The following RBMXL1 variants were observed in gnomAD, a reference collection of about 807,000 sequenced individuals.
The protein encoded by RBMXL1 is RNA binding motif protein, X-linked-like-1.
A neutral mutation model predicts 29.0 loss-of-function variants in RBMXL1; 18 were observed. The ratio of observed to expected loss-of-function variants is 0.62; its 90% CI spans 0.43 to 0.92. The LOEUF (loss-of-function observed/expected upper bound fraction) is 0.92. RBMXL1 is among the 40% of genes least tolerant of loss of function. RBMXL1 has a pLI of 0.00. For synonymous variants in RBMXL1, 141 were observed against 170.4 expected (o/e 0.83, Z 1.34); for missense variants, 403 against 495.8 (o/e 0.81, Z 1.78).
At position 88,979,724 on chromosome 1, in the gene RBMXL1, T is replaced by C. The variant is rs971004448; in HGVS notation, c.*2930A>G. On this transcript the variant is annotated 3_prime_UTR_variant, in exon 3 of 3. Coordinates refer to ENST00000652648, the MANE Select transcript of RBMXL1 (RefSeq NM_001162536.3). The stretch of plus-strand genomic sequence containing the variant: ...ACTCTATACAACCCTGGTGGGAATA[T>C]AAAAGGGTATAGCCCCTTTGGAAAA... The C allele has an allele frequency of 6.6e-6, 1 of 152,200 alleles. No homozygotes were observed. The highest frequency in any genetic ancestry group is 2.4e-5 in the African/African-American group (1 of 41,460). 9.4% of individuals were successfully genotyped at this position (152,200 alleles called of 1,614,324 possible). A position where few individuals can be genotyped will look rare whatever the true frequency, so the allele number is the denominator to read the frequency against.
chr1:88,985,413 C>T (rs1287490755), intron 2 of RBMXL1, among the ~76,000 whole-genome samples: 2 of 152,306 alleles, frequency 1.3e-5, no homozygotes, highest in Non-Finnish European at 2.9e-5. Flanking sequence ...TTCTTCTGGG[C>T]ACATGAAACA....
rs1677112457 is a variant in RBMXL1, at chr1:88,981,963, G to C, written c.*691C>G. ...GAGCAAGCACCTTTGCAGCTTCATGGTTGGTTTTGGCCAAACTTTTTATTT... is the reference window on the plus strand; with the variant it reads ...GAGCAAGCACCTTTGCAGCTTCATGCTTGGTTTTGGCCAAACTTTTTATTT... On this transcript the variant is annotated 3_prime_UTR_variant, in exon 3 of 3. Coordinates refer to ENST00000652648, the MANE Select transcript of RBMXL1 (RefSeq NM_001162536.3). The C allele has an allele frequency of 1.0e-6, 1 of 983,244 alleles. No individual in the cohort carries two copies. The highest frequency in any genetic ancestry group is 1.8e-5 in the African/African-American group (1 of 57,128). The allele number at this position is 983,244 out of a possible 1,614,324, so 60.9% of individuals were successfully genotyped here. A position where few individuals can be genotyped will look rare whatever the true frequency, so the allele number is the denominator to read the frequency against.
intron 1 of RBMXL1, among the ~76,000 whole-genome samples, chr1:88,990,271 A>AAAACATAAAAAACAAACAAACAAAC (rs1553173413): frequency 6.6e-6 from 1 of 150,588 alleles, no homozygotes; most frequent in African/African-American, 2.4e-5. Flanking sequence ...TCCCGGTTAA[A>AAAACATAAAAAACAAACAAACAAAC]AAACATAAAA....
chr1:88,992,170 G>C (rs1677843457), intron 1 of RBMXL1, among the ~76,000 whole-genome samples: 4 of 152,026 alleles, frequency 2.6e-5, no homozygotes, highest in Non-Finnish European at 5.9e-5. Context: ...AGTACAGACG[G>C]GGTTTCACCG....
In RBMXL1 at chr1:88,981,909, A is replaced by C; in HGVS notation, c.*745T>G. The C allele has an allele frequency of 1.1e-6, 1 of 939,098 alleles. No homozygotes were observed. The highest frequency in any genetic ancestry group is 1.3e-6 in the Non-Finnish European group (1 of 787,410). The allele number at this position is 939,098 out of a possible 1,614,324, so 58.2% of individuals were successfully genotyped here. A position where few individuals can be genotyped will look rare whatever the true frequency, so the allele number is the denominator to read the frequency against. ...CAAGCTGTTCCTTTAAAAGTGAGAC[A>C]TTAGAGTTGCAAAAATTTGAAAGAG... On this transcript the variant is annotated 3_prime_UTR_variant, in exon 3 of 3. Coordinates refer to ENST00000652648, the MANE Select transcript of RBMXL1 (RefSeq NM_001162536.3).
In RBMXL1 at chr1:88,982,151, G is replaced by T; in HGVS notation, c.*503C>A. ...GGGTGAATAGCACTTTCCTTACATA[G>T]GCATCTGATTTCAGGTTTTGCATAC... is the stretch of plus-strand genomic sequence containing the variant. On this transcript the variant is annotated 3_prime_UTR_variant, in exon 3 of 3. Coordinates refer to ENST00000652648, the MANE Select transcript of RBMXL1 (RefSeq NM_001162536.3). 1 of 942,426 alleles carries T rather than the reference G, an allele frequency of 1.1e-6. No homozygotes were observed. The highest frequency in any genetic ancestry group is 1.3e-6 in the Non-Finnish European group (1 of 789,608). 58.4% of individuals were successfully genotyped at this position (942,426 alleles called of 1,614,324 possible).
rs1331211368 is a variant in RBMXL1, at chr1:88,983,534, G to A, written c.293C>T (p.Pro98Leu). 6.2e-7 allele frequency: 1 copy of A among 1,614,084 alleles called. No individual in the cohort carries two copies. Among genetic ancestry groups the A allele is most frequent in the Non-Finnish European group, 8.5e-7 (1 of 1,180,052 alleles). ...SFERGRHGPP[P>L]PPRSRGPPRG... ...TGGAGGACCTCTACTTCTTGGAGGT[G>A]GGGGCGGTCCATGTCTACCTCTTTC... Residue 98 changes from proline to leucine, a missense_variant, in exon 3 of 3, where the codon CCA becomes CTA. Coordinates refer to ENST00000652648, the MANE Select transcript of RBMXL1 (RefSeq NM_001162536.3).
At chr1:88,984,932 A>C (rs1160165509) in intron 2 of RBMXL1, among the ~76,000 whole-genome samples, 1 of 152,230 alleles carries the variant, frequency 6.6e-6, no homozygotes, top group Admixed American at 6.5e-5. Context: ...ACTGGTTATA[A>C]CTTCTGTCTG....
At position 88,981,676 on chromosome 1, in the gene RBMXL1, G is replaced by T; in HGVS notation, c.*978C>A. 5.6e-6 allele frequency: 1 copy of T among 178,288 alleles called. No individual in the cohort carries two copies. The highest frequency in any genetic ancestry group is 1.6e-4 in the South Asian group (1 of 6,118). The allele number at this position is 178,288 out of a possible 1,614,324, so 11.0% of individuals were successfully genotyped here. On this transcript the variant is annotated 3_prime_UTR_variant, in exon 3 of 3. Transcript: ENST00000652648. ...TCTGCTTCAACAACTCTTAGCATTT[G>T]ATTTCTCTTACTGCCAGCGTTATCT...
rs765557084 is a variant in RBMXL1, at chr1:88,982,898, T to C, written c.929A>G (p.Tyr310Cys). 24 of 1,614,006 alleles carry C rather than the reference T, an allele frequency of 1.5e-5. No individual in the cohort carries two copies. Among genetic ancestry groups the C allele is most frequent in the South Asian group, 2.2e-5 (2 of 91,078 alleles). Reference protein sequence around the residue: ...PPPSYGGSSRYDDYSSSRDGY... With the variant: ...PPPSYGGSSRCDDYSSSRDGY... ...ATCACGTGAGCTGCTATAATCATCA[T>C]AGCGACTGCTTCCACCATAAGATGG... Residue 310 changes from tyrosine (Y) to cysteine (C), a missense_variant, in exon 3 of 3, where the codon TAT (tyrosine) becomes TGT (cysteine). Coordinates refer to ENST00000652648, the MANE Select transcript of RBMXL1 (RefSeq NM_001162536.3).
At position 88,979,639 on chromosome 1, in the gene RBMXL1, A is replaced by G. The variant is rs1676976650; in HGVS notation, c.*3015T>C. ...CACCCGGGGAAATGAAAATAAAACC[A>G]CAATGAGATACCACTAGATTCCCAT... is the stretch of plus-strand genomic sequence containing the variant. On this transcript the variant is annotated 3_prime_UTR_variant, in exon 3 of 3. Transcript: ENST00000652648. 6.6e-6 allele frequency: 1 copy of G among 152,204 alleles called. No individual in the cohort carries two copies. The highest frequency in any genetic ancestry group is 2.1e-4 in the South Asian group (1 of 4,828). 9.4% of individuals were successfully genotyped at this position (152,204 alleles called of 1,614,324 possible).
chr1:88,984,637 T>C (rs1003943193), intron 2 of RBMXL1, among the ~76,000 whole-genome samples: 3 of 152,238 alleles, frequency 2.0e-5, no homozygotes, highest in African/African-American at 7.2e-5. Context: ...GGGAAGCAAT[T>C]TGGACTCCCT....
chr1:88,981,281 A>G lies in RBMXL1; in HGVS notation c.*1373T>C, dbSNP rs1373473676. ...CAAAAAAATGTTTCACTTACTGACA[A>G]GACACTTCACCAGATAGAGCTACCA... On this transcript the variant is annotated 3_prime_UTR_variant, in exon 3 of 3. Coordinates refer to ENST00000652648, the MANE Select transcript of RBMXL1 (RefSeq NM_001162536.3). 1 of 152,212 alleles carries G rather than the reference A, an allele frequency of 6.6e-6. No individual in the cohort carries two copies. Among genetic ancestry groups the G allele is most frequent in the African/African-American group, 2.4e-5 (1 of 41,452 alleles). 9.4% of individuals were successfully genotyped at this position (152,212 alleles called of 1,614,324 possible).
rs1677112860 is a variant in RBMXL1 at position 88,981,967 on chromosome 1, G to A, written c.*687C>T. The A allele has an allele frequency of 6.1e-6, 6 of 983,844 alleles. No individual in the cohort carries two copies. The highest frequency in any genetic ancestry group is 7.2e-6 in the Non-Finnish European group (6 of 828,280). 60.9% of individuals were successfully genotyped at this position (983,844 alleles called of 1,614,324 possible). A position where few individuals can be genotyped will look rare whatever the true frequency, so the allele number is the denominator to read the frequency against. Reference sequence around the variant, plus strand: ...AAGCACCTTTGCAGCTTCATGGTTGGTTTTGGCCAAACTTTTTATTTAGTA... The same window carrying A: ...AAGCACCTTTGCAGCTTCATGGTTGATTTTGGCCAAACTTTTTATTTAGTA... On this transcript the variant is annotated 3_prime_UTR_variant, in exon 3 of 3. Transcript: ENST00000652648.
intron 2 of RBMXL1, among the ~76,000 whole-genome samples, chr1:88,987,113 A>G (rs1397068256): frequency 6.6e-6 from 1 of 152,266 alleles, no homozygotes; most frequent in African/African-American, 2.4e-5. Context: ...CATACATCAG[A>G]ATCAGCTGGA....
At chr1:88,985,778 T>G (rs763011715) in intron 2 of RBMXL1, among the ~76,000 whole-genome samples, 1 of 152,036 alleles carries the variant, frequency 6.6e-6, no homozygotes, top group Non-Finnish European at 1.5e-5. Context: ...ACTCAGAAAG[T>G]AGGAAAGATT....
intron 2 of RBMXL1, among the ~76,000 whole-genome samples, chr1:88,987,894 G>T (rs554272369): frequency 6.6e-6 from 1 of 152,278 alleles, no homozygotes; most frequent in African/African-American, 2.4e-5. Flanking sequence ...GCAGATGTAC[G>T]TATTGTATTT....
chr1:88,989,089 T>C (rs949112611), intron 1 of RBMXL1, among the ~76,000 whole-genome samples: 1 of 152,152 alleles, frequency 6.6e-6, no homozygotes, highest in South Asian at 2.1e-4. Flanking sequence ...TTCAGGCAAA[T>C]AGATATTTCT....
At position 88,980,424 on chromosome 1, in the gene RBMXL1, A is replaced by AT. The variant is rs879210454; in HGVS notation, c.*2229dup. 3.6e-3 allele frequency: 519 copies of AT among 144,956 alleles called. 2 individuals carry two copies. The highest frequency in any genetic ancestry group is 0.011 in the Middle Eastern group (3 of 276). 9.0% of individuals were successfully genotyped at this position (144,956 alleles called of 1,614,324 possible). A position where few individuals can be genotyped will look rare whatever the true frequency, so the allele number is the denominator to read the frequency against. Reference sequence around the variant, plus strand: ...AACAAAATTATCTCATAGATTTTGGATTTTTTTTTTTTTTGCCATGTTAAA... The same window carrying AT: ...AACAAAATTATCTCATAGATTTTGGATTTTTTTTTTTTTTTGCCATGTTAAA... On this transcript the variant is annotated 3_prime_UTR_variant, in exon 3 of 3. Coordinates refer to ENST00000652648, the MANE Select transcript of RBMXL1 (RefSeq NM_001162536.3).
Sources: allele counts gnomAD v4.1 joint callset (sites outside exome capture counted in the v4.1 genomes callset), GRCh38; gene constraint gnomAD v4.1.1; transcripts MANE v1.5; gene names NCBI Gene and HGNC (gene_info 2026-07-23, HGNC 2026-07-21).